PTPRG: variants seen among roughly 807,000 people sequenced by gnomAD.
PTPRG encodes the protein receptor-type tyrosine-protein phosphatase gamma.
PTPRG carries 102 observed loss-of-function variants against 165.3 expected under a neutral mutation model. That is an observed-to-expected ratio of 0.62 (90% CI 0.53 to 0.73). The LOEUF is 0.73. PTPRG is among the 30% of genes least tolerant of loss of function. The pLI, the probability that PTPRG is intolerant of heterozygous loss-of-function variation, is 0.00. For synonymous variants in PTPRG, 675 were observed against 669.5 expected, an observed-to-expected ratio of 1.01 and a Z score of -0.13; for missense variants, 1,866 against 1,861.4, an observed-to-expected ratio of 1.00 and a Z score of -0.05.
chr3:61,605,695 A>G (rs1014944414), intron 1 of PTPRG, among the ~76,000 whole-genome samples: 1 of 152,038 alleles, frequency 6.6e-6, no homozygotes, highest in African/African-American at 2.4e-5. Flanking sequence ...CTGCCTCCCA[A>G]GTAGCTGGGA....
intron 13 of PTPRG, among the ~76,000 whole-genome samples, chr3:62,226,653 T>A (rs1311833168): frequency 6.6e-6 from 1 of 152,222 alleles, no homozygotes; most frequent in East Asian, 1.9e-4. Flanking sequence ...CTGAGCTAAC[T>A]GCAGATTCTG....
rs2032681188 is a variant in PTPRG at position 61,735,455 on chromosome 3, A to G, written c.86-13423A>G. On this transcript the variant is annotated intron_variant, in intron 1 of 29. Transcript: ENST00000474889. ...ATAAAAATGGAGATAACAAAAATGA[A>G]CCTGTAGCCCTGGGATATTCTGACT... is the stretch of plus-strand genomic sequence containing the variant. 2.0e-5 allele frequency among the ~76,000 whole-genome samples: 3 copies of G among 152,052 alleles called. No individual in the cohort carries two copies. The South Asian group carries it at 6.2e-4, about 32-fold the overall frequency.
chr3:61,660,120 G>A (rs998532884), intron 1 of PTPRG, among the ~76,000 whole-genome samples: 4 of 152,180 alleles, frequency 2.6e-5, no homozygotes, highest in Non-Finnish European at 4.4e-5. Context: ...AGCTACTCAG[G>A]AGGCTGAGGC....
At chr3:61,973,982 T>G (rs1209041722) in intron 2 of PTPRG, among the ~76,000 whole-genome samples, 1 of 152,184 alleles carries the variant, frequency 6.6e-6, no homozygotes, top group Non-Finnish European at 1.5e-5. Context: ...CAGAGATTTT[T>G]TTTTCATGGT....
intron 16 of PTPRG, among the ~76,000 whole-genome samples, chr3:62,259,088 C>T (rs919115663): frequency 7.9e-5 from 12 of 152,234 alleles, no homozygotes; most frequent in Non-Finnish European, 1.3e-4. Flanking sequence ...AGTTAACCAG[C>T]TGTGCTAAAT....
intron 2 of PTPRG, among the ~76,000 whole-genome samples, chr3:61,942,219 A>G (rs571768607): frequency 1.3e-5 from 2 of 151,316 alleles, no homozygotes; most frequent in East Asian, 1.9e-4. Flanking sequence ...GGCCATGGCC[A>G]TGTTGGAGCT....
intron 2 of PTPRG, among the ~76,000 whole-genome samples, chr3:61,922,633 A>C (rs2039106487): frequency 6.6e-6 from 1 of 152,126 alleles, no homozygotes; most frequent in Non-Finnish European, 1.5e-5. Context: ...CTTGCTCCTT[A>C]GCTCAGTTCA....
At chr3:61,620,765 ATTACAAGTG>A (rs1701427624) in intron 1 of PTPRG, among the ~76,000 whole-genome samples, 1 of 151,868 alleles carries the variant, frequency 6.6e-6, no homozygotes, top group Non-Finnish European at 1.5e-5. Flanking sequence ...AGTAGCTAGG[ATTACAAGTG>A]TGTGCCACCA....
chr3:62,018,181 C>T (rs1016917672), intron 4 of PTPRG, among the ~76,000 whole-genome samples: 3 of 152,160 alleles, frequency 2.0e-5, no homozygotes, highest in Non-Finnish European at 4.4e-5. Flanking sequence ...ACCTGAGAGA[C>T]CAACAGAGTG....
In PTPRG at chr3:62,201,570, G is replaced by A. The variant is rs1281875597; in HGVS notation, c.1377+16G>A. 1.2e-6 allele frequency: 2 copies of A among 1,607,600 alleles called. No homozygotes were observed. Among genetic ancestry groups the A allele is most frequent in the East Asian group, 2.2e-5 (1 of 44,794 alleles). On this transcript the variant is annotated intron_variant, in intron 11 of 29. Coordinates refer to ENST00000474889, the MANE Select transcript of PTPRG (RefSeq NM_002841.4). ...AACAGGAGTGGTAAGTAGAGAATGG[G>A]AAATTGCTTTGTCGTGGCTGGTTGT...
intron 2 of PTPRG, among the ~76,000 whole-genome samples, chr3:61,906,493 G>A (rs1235905503): frequency 6.6e-6 from 1 of 151,928 alleles, no homozygotes; most frequent in Non-Finnish European, 1.5e-5. Flanking sequence ...ATATGGACTT[G>A]GTGTGGTGGC....
intron 8 of PTPRG, among the ~76,000 whole-genome samples, chr3:62,178,041 G>A: frequency 6.7e-6 from 1 of 150,274 alleles, no homozygotes; most frequent in African/African-American, 2.4e-5. Context: ...ATGGGTTGTT[G>A]GGTGGGTGGG....
intron 4 of PTPRG, among the ~76,000 whole-genome samples, chr3:62,041,660 A>C (rs2107803333): frequency 6.6e-6 from 1 of 152,294 alleles, no homozygotes; most frequent in Middle Eastern, 3.4e-3. Flanking sequence ...TACAGGATTC[A>C]AGTGGTGACT....
chr3:61,864,092 A>G (rs2037342564), intron 2 of PTPRG, among the ~76,000 whole-genome samples: 1 of 152,140 alleles, frequency 6.6e-6, no homozygotes, highest in Non-Finnish European at 1.5e-5. Context: ...CATTTGTACA[A>G]TGGGGAGAGT....
chr3:62,172,700 G>A (rs1295167921), intron 8 of PTPRG, among the ~76,000 whole-genome samples: 1 of 152,184 alleles, frequency 6.6e-6, no homozygotes, highest in East Asian at 1.9e-4. Context: ...CCAAAGCATG[G>A]AACAAGTCCT....
chr3:62,187,977 A>AT (rs909978174), intron 8 of PTPRG, among the ~76,000 whole-genome samples: 1 of 152,214 alleles, frequency 6.6e-6, no homozygotes, highest in Non-Finnish European at 1.5e-5. Flanking sequence ...TTTTTAATAC[A>AT]TTGAGACAGT....
Position 61,714,485 on chromosome 3 carries a change from G to A in PTPRG, c.86-34393G>A, listed in dbSNP as rs114857786. On this transcript the variant is annotated intron_variant, in intron 1 of 29. Coordinates refer to ENST00000474889, the MANE Select transcript of PTPRG (RefSeq NM_002841.4). The stretch of plus-strand genomic sequence containing the variant: ...GACCACGAGATTGGTACTATGTGCC[G>A]AAGATGGGAGAGCCACAAGATAGAA... 5.1e-3 allele frequency among the ~76,000 whole-genome samples: 777 copies of A among 152,222 alleles called. 7 individuals carry two copies. Among genetic ancestry groups the A allele is most frequent in the African/African-American group, 0.018 (737 of 41,532 alleles).
At chr3:62,060,428 A>G (rs1328198456) in intron 4 of PTPRG, among the ~76,000 whole-genome samples, 2 of 152,190 alleles carry the variant, frequency 1.3e-5, no homozygotes, top group Non-Finnish European at 2.9e-5. Flanking sequence ...GGTAGTGACC[A>G]GATGAGATTG....
intron 2 of PTPRG, among the ~76,000 whole-genome samples, chr3:61,955,200 TCAGAC>T (rs1575820527): frequency 6.6e-6 from 1 of 152,238 alleles, no homozygotes; most frequent in East Asian, 1.9e-4. Context: ...TCAGTCTTTT[TCAGAC>T]CTTCCTGTAC....
Sources: allele counts gnomAD v4.1 joint callset (sites outside exome capture counted in the v4.1 genomes callset), GRCh38; gene constraint gnomAD v4.1.1; transcripts MANE v1.5; gene names NCBI Gene and HGNC (gene_info 2026-07-23, HGNC 2026-07-21).